The following JAKMIP2 variants were observed in gnomAD, a reference collection of about 807,000 sequenced individuals.
The protein encoded by JAKMIP2 is janus kinase and microtubule interacting protein 2, also known as janus kinase and microtubule-interacting protein 2.
Under a neutral mutation model 115.0 loss-of-function variants are expected in JAKMIP2, and 25 were observed. The ratio of observed to expected loss-of-function variants is 0.22; its 90% confidence interval spans 0.16 to 0.30. JAKMIP2 has a LOEUF of 0.30. JAKMIP2 is among the 10% of genes least tolerant of loss of function. JAKMIP2 has a pLI of 1.00. For missense variants in JAKMIP2, 642 were observed against 957.6 expected, an observed-to-expected ratio of 0.67 and a Z score of 4.35; for synonymous variants, 334 against 343.6, an observed-to-expected ratio of 0.97 and a Z score of 0.31.
At chr5:147,745,269 C>G (rs147137490) in intron 1 of JAKMIP2, among the ~76,000 whole-genome samples, 2 of 152,098 alleles carry the variant, frequency 1.3e-5, no homozygotes, top group East Asian at 3.9e-4. Flanking sequence ...GCAAGAAAAT[C>G]TTATTTTAAG....
chr5:147,656,185 G>C (rs1480293070), intron 3 of JAKMIP2, among the ~76,000 whole-genome samples: 1 of 152,202 alleles, frequency 6.6e-6, no homozygotes, highest in Non-Finnish European at 1.5e-5. Context: ...CTGGAATAGA[G>C]AGTTCTGTTC....
chr5:147,595,102 C>T (rs1755301699), intron 21 of JAKMIP2, among the ~76,000 whole-genome samples: 1 of 152,102 alleles, frequency 6.6e-6, no homozygotes, highest in Admixed American at 6.6e-5. Flanking sequence ...TTTAATGAGC[C>T]TTTCTATGTG....
chr5:147,750,378 G>T (rs1754503730), intron 1 of JAKMIP2, among the ~76,000 whole-genome samples: 1 of 151,996 alleles, frequency 6.6e-6, no homozygotes, highest in Non-Finnish European at 1.5e-5. Flanking sequence ...CATGGGGAGG[G>T]TTTTCCTTTG....
rs1229769318 is a variant in JAKMIP2, at chr5:147,585,546, C to T, written c.*6161G>A. On this transcript the variant is annotated 3_prime_UTR_variant, in exon 22 of 22. Transcript: ENST00000616793. ...TAAAATAACCATTCATAAAACTTTA[C>T]ATACAGTAAGTTGATTCCAATCTCT... The T allele has an allele frequency of 6.6e-6, 1 of 152,182 alleles. No homozygotes were observed. The highest frequency in any genetic ancestry group is 2.4e-5 in the African/African-American group (1 of 41,452). 9.4% of individuals were successfully genotyped at this position (152,182 alleles called of 1,614,324 possible). A position where few individuals can be genotyped will look rare whatever the true frequency, so the allele number is the denominator to read the frequency against.
intron 21 of JAKMIP2, among the ~76,000 whole-genome samples, chr5:147,598,853 G>C (rs573573605): frequency 6.6e-6 from 1 of 152,036 alleles, no homozygotes; most frequent in Non-Finnish European, 1.5e-5. Context: ...AAAATTTATC[G>C]TAATTTGCAG....
intron 1 of JAKMIP2, among the ~76,000 whole-genome samples, chr5:147,674,546 T>C (rs114822141): frequency 6.6e-6 from 1 of 152,184 alleles, no homozygotes; most frequent in Non-Finnish European, 1.5e-5. Context: ...GGTTGTTGCA[T>C]GATAGGCTAG....
chr5:147,764,920 A>AAG (rs531656100), intron 1 of JAKMIP2, among the ~76,000 whole-genome samples: 1,293 of 39,408 alleles, frequency 0.033, 37 homozygotes, highest in Non-Finnish European at 0.048. Flanking sequence ...GAAAGAAAGA[A>AAG]AGAGAGAGAG....
chr5:147,714,311 G>A (rs931915465), intron 1 of JAKMIP2, among the ~76,000 whole-genome samples: 2 of 152,064 alleles, frequency 1.3e-5, no homozygotes, highest in Admixed American at 6.5e-5. Flanking sequence ...GAACAAAATA[G>A]AAGTTATAAA....
chr5:147,736,526 A>T lies in JAKMIP2; in HGVS notation c.-149+45930T>A, dbSNP rs540763823. On this transcript the variant is annotated intron_variant, in intron 1 of 21. Coordinates refer to ENST00000616793, the MANE Select transcript of JAKMIP2 (RefSeq NM_001270941.2). ...AATCATTGCCAGAAGCATTTTAGGA[A>T]GACTAATCCATATCACTTAAAGAAC... Among the ~76,000 whole-genome samples the T allele has an allele frequency of 3.7e-4, 56 of 152,280 alleles. 1 individual carries two copies. The highest frequency in any genetic ancestry group is 3.3e-3 in the South Asian group (16 of 4,820).
chr5:147,619,442 A>C (rs559109278), intron 18 of JAKMIP2, among the ~76,000 whole-genome samples: 2 of 152,160 alleles, frequency 1.3e-5, no homozygotes, highest in Non-Finnish European at 2.9e-5. Context: ...GAATGCAAAG[A>C]CAAGTTCATC....
At chr5:147,780,286 G>A (rs1401279037) in intron 1 of JAKMIP2, among the ~76,000 whole-genome samples, 2 of 152,002 alleles carry the variant, frequency 1.3e-5, no homozygotes, top group East Asian at 1.9e-4. Context: ...TCTACAAGGA[G>A]TTTTAAGCAC....
At chr5:147,607,966 T>C (rs1327124672) in intron 20 of JAKMIP2, among the ~76,000 whole-genome samples, 1 of 152,142 alleles carries the variant, frequency 6.6e-6, no homozygotes, top group East Asian at 1.9e-4. Flanking sequence ...TGCATAGAGG[T>C]GTTTATAGTA....
intron 1 of JAKMIP2, among the ~76,000 whole-genome samples, chr5:147,707,323 A>T (rs999165584): frequency 6.6e-6 from 1 of 152,104 alleles, no homozygotes; most frequent in African/African-American, 2.4e-5. Flanking sequence ...ATGTAAATTA[A>T]CTCATTTCTT....
Position 147,657,750 on chromosome 5 carries a change from G to C in JAKMIP2, c.627+3198C>G, listed in dbSNP as rs114186895. Among the ~76,000 whole-genome samples the C allele has an allele frequency of 7.1e-3, 1,083 of 151,952 alleles. 10 individuals are homozygous for C. Among genetic ancestry groups the C allele is most frequent in the Non-Finnish European group, 0.011 (768 of 67,984 alleles). On this transcript the variant is annotated intron_variant, in intron 3 of 21. Coordinates refer to ENST00000616793, the MANE Select transcript of JAKMIP2 (RefSeq NM_001270941.2). ...TTGTCTGCATGCCTTATTTCAGCAAGATGGTTTTCAAATTCTGATCTCCTT... is the reference window on the plus strand; with the variant it reads ...TTGTCTGCATGCCTTATTTCAGCAACATGGTTTTCAAATTCTGATCTCCTT...
At chr5:147,744,240 A>G (rs1017728542) in intron 1 of JAKMIP2, among the ~76,000 whole-genome samples, 3 of 152,174 alleles carry the variant, frequency 2.0e-5, no homozygotes, top group Non-Finnish European at 4.4e-5. Context: ...TGTGCTTACC[A>G]AAAGAAAACA....
chr5:147,673,289 A>G (rs1231205928), intron 1 of JAKMIP2, among the ~76,000 whole-genome samples: 1 of 152,206 alleles, frequency 6.6e-6, no homozygotes, highest in East Asian at 1.9e-4. Context: ...ACATGACAAG[A>G]TCCTAGAGAA....
intron 1 of JAKMIP2, among the ~76,000 whole-genome samples, chr5:147,693,940 TAAC>T (rs1751986142): frequency 2.0e-5 from 3 of 152,354 alleles, no homozygotes; most frequent in South Asian, 4.1e-4. Context: ...TCCTTTCTAC[TAAC>T]AACATTTTCA....
intron 1 of JAKMIP2, among the ~76,000 whole-genome samples, chr5:147,721,390 C>T (rs188476680): frequency 2.0e-5 from 3 of 152,228 alleles, no homozygotes; most frequent in Non-Finnish European, 4.4e-5. Context: ...GTTGGAGCTT[C>T]GAGGCTGCTT....
intron 1 of JAKMIP2, among the ~76,000 whole-genome samples, chr5:147,777,009 G>A (rs1755583809): frequency 6.6e-6 from 1 of 152,106 alleles, no homozygotes; most frequent in Non-Finnish European, 1.5e-5. Flanking sequence ...AAACTAACAT[G>A]AATCTGAAAC....
Sources: allele counts gnomAD v4.1 joint callset (sites outside exome capture counted in the v4.1 genomes callset), GRCh38; gene constraint gnomAD v4.1.1; transcripts MANE v1.5; gene names NCBI Gene and HGNC (gene_info 2026-07-23, HGNC 2026-07-21).